SMYD3: variants seen among roughly 807,000 people sequenced by gnomAD.
The protein encoded by SMYD3 is histone-lysine N-methyltransferase SMYD3.
A neutral mutation model predicts 57.7 loss-of-function variants in SMYD3; 36 were observed. The ratio of observed to expected loss-of-function variants is 0.62; its 90% CI spans 0.48 to 0.82. The LOEUF (loss-of-function observed/expected upper bound fraction) is 0.82, where lower values mean the gene tolerates loss of function less well. Ranked by LOEUF, SMYD3 falls within the 40% of genes least tolerant of loss-of-function variation. The probability of loss-of-function intolerance (pLI) is 0.00; values close to 1 mark genes in which losing one functional copy is unlikely to be tolerated. For missense variants in SMYD3, 515 were observed against 538.8 expected (o/e 0.96, Z 0.44); for synonymous variants, 211 against 195.0 (o/e 1.08, Z -0.68).
intron 8 of SMYD3, among the ~76,000 whole-genome samples, chr1:245,887,216 G>A (rs1005266771): frequency 6.6e-6 from 1 of 152,096 alleles, no homozygotes; most frequent in Non-Finnish European, 1.5e-5. Context: ...CCAAAACCGA[G>A]ATGGCCATGA....
chr1:246,367,557 T>G (rs1292139521), intron 1 of SMYD3, among the ~76,000 whole-genome samples: 1 of 152,116 alleles, frequency 6.6e-6, no homozygotes, highest in African/African-American at 2.4e-5. Flanking sequence ...CTCAACCTCC[T>G]GAGTAGCTGG....
chr1:246,036,616 C>G (rs994292115), intron 5 of SMYD3, among the ~76,000 whole-genome samples: 4 of 149,674 alleles, frequency 2.7e-5, no homozygotes, highest in Non-Finnish European at 4.4e-5. Flanking sequence ...TGCAGTGGTG[C>G]GATCTCGGCT....
intron 10 of SMYD3, among the ~76,000 whole-genome samples, chr1:245,769,972 C>A (rs2046270705): frequency 6.6e-6 from 1 of 152,180 alleles, no homozygotes; most frequent in Non-Finnish European, 1.5e-5. Flanking sequence ...GCATCCAGTT[C>A]AATCCAGCAG....
intron 5 of SMYD3, among the ~76,000 whole-genome samples, chr1:246,032,737 G>C (rs938955726): frequency 6.6e-6 from 1 of 152,138 alleles, no homozygotes; most frequent in South Asian, 2.1e-4. Flanking sequence ...AGTGATTCAA[G>C]GTCAGGTGAA....
At chr1:245,780,473 C>G (rs1421356932) in intron 10 of SMYD3, among the ~76,000 whole-genome samples, 1 of 151,996 alleles carries the variant, frequency 6.6e-6, no homozygotes, top group South Asian at 2.1e-4. Context: ...TATGACAAAT[C>G]CCGAATAGGC....
At chr1:245,841,719 G>C (rs2050411895) in intron 10 of SMYD3, among the ~76,000 whole-genome samples, 1 of 152,144 alleles carries the variant, frequency 6.6e-6, no homozygotes, top group Non-Finnish European at 1.5e-5. Context: ...ACTTCAGGTA[G>C]AAAAATTGTA....
chr1:246,445,781 AGACTT>A (rs958906067), intron 1 of SMYD3, among the ~76,000 whole-genome samples: 1 of 152,102 alleles, frequency 6.6e-6, no homozygotes, highest in African/African-American at 2.4e-5. Flanking sequence ...TGAATGACTT[AGACTT>A]AATTCTTATA....
At chr1:246,269,776 T>G (rs1161700486) in intron 5 of SMYD3, among the ~76,000 whole-genome samples, 2 of 152,154 alleles carry the variant, frequency 1.3e-5, no homozygotes, top group Non-Finnish European at 2.9e-5. Flanking sequence ...TCTTCCTACG[T>G]TGCCCAGGCT....
intron 1 of SMYD3, among the ~76,000 whole-genome samples, chr1:246,445,687 T>C (rs1046402828): frequency 6.6e-6 from 1 of 152,082 alleles, no homozygotes. Flanking sequence ...ACCAAGAGAT[T>C]AGGAATTTAA....
intron 5 of SMYD3, among the ~76,000 whole-genome samples, chr1:246,021,517 A>C (rs2059470417): frequency 6.6e-6 from 1 of 152,186 alleles, no homozygotes. Flanking sequence ...AACCACAAAA[A>C]TACCTGCCTG....
intron 1 of SMYD3, among the ~76,000 whole-genome samples, chr1:246,440,709 G>A (rs2067449694): frequency 1.3e-5 from 2 of 152,126 alleles, no homozygotes; most frequent in African/African-American, 4.8e-5. Flanking sequence ...TTTTTACTAT[G>A]ATATAGGAGT....
intron 10 of SMYD3, among the ~76,000 whole-genome samples, chr1:245,815,514 G>A (rs1438343473): frequency 1.3e-5 from 2 of 152,194 alleles, no homozygotes; most frequent in African/African-American, 4.8e-5. Flanking sequence ...TAGAGACATG[G>A]GGCCTAGCCC....
intron 5 of SMYD3, 123 bp downstream of exon 5, chr1:246,327,078 T>C: frequency 9.1e-7 from 1 of 1,101,484 alleles, no homozygotes; most frequent in Admixed American, 2.0e-5. Context: ...GATAAGGAAG[T>C]AATATAAGGC....
chr1:246,069,576 C>T (rs919755951), intron 5 of SMYD3, among the ~76,000 whole-genome samples: 14 of 152,098 alleles, frequency 9.2e-5, no homozygotes, highest in African/African-American at 3.4e-4. Flanking sequence ...TATTAATAAG[C>T]CGAACTGATA....
chr1:245,897,161 A>G, intron 8 of SMYD3, among the ~76,000 whole-genome samples: 1 of 152,240 alleles, frequency 6.6e-6, no homozygotes, highest in East Asian at 1.9e-4. Flanking sequence ...GAGACGTGAA[A>G]AAGAACAAAT....
intron 5 of SMYD3, among the ~76,000 whole-genome samples, chr1:246,190,926 G>T (rs1234394303): frequency 6.6e-6 from 1 of 152,138 alleles, no homozygotes; most frequent in African/African-American, 2.4e-5. Context: ...AAAGCATACA[G>T]CACTTCCTCA....
At chr1:246,059,076 C>G (rs1461617456) in intron 5 of SMYD3, among the ~76,000 whole-genome samples, 1 of 152,098 alleles carries the variant, frequency 6.6e-6, no homozygotes, top group Non-Finnish European at 1.5e-5. Context: ...CAGGGTTTCA[C>G]CGTGTTAGCC....
chr1:246,506,138 G>C (rs2068533345), intron 1 of SMYD3, among the ~76,000 whole-genome samples: 1 of 152,200 alleles, frequency 6.6e-6, no homozygotes, highest in Non-Finnish European at 1.5e-5. Context: ...GGTCTGAAAA[G>C]CGGCCATGCA....
At chr1:246,326,335 G>A in intron 5 of SMYD3, 1 of 688,286 alleles carries the variant, frequency 1.5e-6, no homozygotes, top group East Asian at 2.8e-5. Flanking sequence ...CAGTGAGGGG[G>A]TGTTTCTGTC....
Sources: gnomAD v4.1 joint callset for allele counts (sites outside exome capture counted in the v4.1 genomes callset) on GRCh38, gnomAD v4.1.1 for gene constraint, MANE v1.5 for transcripts, NCBI Gene and HGNC (gene_info 2026-07-23, HGNC 2026-07-21) for gene names.